UNC93A: variants seen among roughly 807,000 people sequenced by gnomAD.
UNC93A encodes N-acetylglucosamine transporter UNC93A.
UNC93A carries 43 observed loss-of-function variants against 47.5 expected under a neutral mutation model. The observed-to-expected ratio is 0.91, with a 90% confidence interval of 0.71 to 1.17. UNC93A has a LOEUF of 1.17. Ranked by LOEUF, UNC93A falls within the 50% of genes most tolerant of loss-of-function variation. The pLI is 0.00. For missense variants in UNC93A, 605 were observed against 577.6 expected (o/e 1.05, Z -0.49); for synonymous variants, 280 against 258.0 (o/e 1.09, Z -0.82).
intron 6 of UNC93A, 66 bp from the exon 7 acceptor site, chr6:167,307,713 C>T: frequency 6.5e-7 from 1 of 1,537,528 alleles, no homozygotes; most frequent in Non-Finnish European, 8.7e-7. Flanking sequence ...ACTGACCCAC[C>T]TCCAGGCCCC....
intron 1 of UNC93A, among the ~76,000 whole-genome samples, chr6:167,293,512 C>T (rs1462962800): frequency 6.6e-6 from 1 of 152,146 alleles, no homozygotes; most frequent in Non-Finnish European, 1.5e-5. Context: ...ACAGAGTGTT[C>T]AGATAGAAGT....
At chr6:167,276,062 T>C (rs998587889) in intron 1 of UNC93A, among the ~76,000 whole-genome samples, 4 of 131,896 alleles carry the variant, frequency 3.0e-5, no homozygotes, top group Non-Finnish European at 4.6e-5. Flanking sequence ...TTCTTTTCTT[T>C]TCTTTTTTTT....
At chr6:167,282,654 G>GA (rs1320641154) in intron 1 of UNC93A, among the ~76,000 whole-genome samples, 1 of 152,130 alleles carries the variant, frequency 6.6e-6, no homozygotes, top group Admixed American at 6.5e-5. Context: ...ATATGTTGAT[G>GA]AAAAAACCTA....
intron 4 of UNC93A, among the ~76,000 whole-genome samples, chr6:167,300,589 G>A (rs1188756349): frequency 6.6e-6 from 1 of 152,158 alleles, no homozygotes; most frequent in African/African-American, 2.4e-5. Flanking sequence ...AGTGGAAGGT[G>A]TGGACAGGGA....
At position 167,296,199 on chromosome 6, in the gene UNC93A, A is replaced by G. The variant is rs764194950; in HGVS notation, c.437A>G (p.Gln146Arg). The change falls in exon 3 of 8, where the codon CAG (glutamine) becomes CGG (arginine). Residue 146 changes from glutamine (Q) to arginine (R), a missense_variant. Coordinates refer to ENST00000230256, the MANE Select transcript of UNC93A (RefSeq NM_018974.4). ...TTTGGCATCTTCTTCCTCATATTCCAGTCATCCGGTGTGTGGGGCAACTTG... is the reference window on the plus strand; with the variant it reads ...TTTGGCATCTTCTTCCTCATATTCCGGTCATCCGGTGTGTGGGGCAACTTG... ...QYFGIFFLIF[Q>R]SSGVWGNLIS... 30 of 1,614,226 alleles carry G rather than the reference A, an allele frequency of 1.9e-5. No homozygotes were observed. The South Asian group carries it at 3.3e-4, about 18-fold the overall frequency.
chr6:167,307,722 C>T, intron 6 of UNC93A, 57 bp from the exon 7 acceptor site: 1 of 1,555,924 alleles, frequency 6.4e-7, no homozygotes, highest in Non-Finnish European at 8.7e-7. Flanking sequence ...CCTCCAGGCC[C>T]CTCCAGGCCA....
At chr6:167,277,733 CTCTT>C (rs748306998) in intron 1 of UNC93A, among the ~76,000 whole-genome samples, 13 of 151,744 alleles carry the variant, frequency 8.6e-5, no homozygotes, top group African/African-American at 2.2e-4. Context: ...GTCTCTATAA[CTCTT>C]TCTGTCTCTC....
At position 167,303,963 on chromosome 6, in the gene UNC93A, C is replaced by A; in HGVS notation, c.670C>A (p.Pro224Thr). The A allele has an allele frequency of 1.2e-6, 2 of 1,613,614 alleles. No individual in the cohort carries two copies. The highest frequency in any genetic ancestry group is 1.1e-5 in the South Asian group (1 of 91,032). ...CCTGATGATAGCTGCGTTCCTCCAA[C>A]CCATACGAGATGTTCAGCGGGAAAG... ...AVLMIAAFLQ[P>T]IRDVQRESEG... Residue 224 changes from proline (P) to threonine (T), a missense_variant, in exon 5 of 8, where the codon CCC (proline) becomes ACC (threonine). Physicochemically the swap from Pro to Thr is conservative, Grantham distance 38 (BLOSUM62 -1). Transcript: ENST00000230256.
chr6:167,293,584 C>T (rs1777953379), intron 1 of UNC93A, among the ~76,000 whole-genome samples: 1 of 152,158 alleles, frequency 6.6e-6, no homozygotes, highest in African/African-American at 2.4e-5. Flanking sequence ...TCCAAGAACC[C>T]CAAGGCTACT....
chr6:167,278,891 T>C (rs960426120), intron 1 of UNC93A, among the ~76,000 whole-genome samples: 2 of 152,214 alleles, frequency 1.3e-5, no homozygotes, highest in Admixed American at 6.5e-5. Flanking sequence ...ACAGTTGTAA[T>C]GTCCAGGAAA....
At chr6:167,309,131 C>A (rs1778486041) in intron 7 of UNC93A, among the ~76,000 whole-genome samples, 1 of 152,130 alleles carries the variant, frequency 6.6e-6, no homozygotes, top group Non-Finnish European at 1.5e-5. Context: ...GAGGCTGAGG[C>A]AGGAGAATCA....
chr6:167,309,308 G>GC (rs1403230950), intron 7 of UNC93A, among the ~76,000 whole-genome samples: 1 of 152,204 alleles, frequency 6.6e-6, no homozygotes. Flanking sequence ...GGAAGCTGGG[G>GC]CAGTGTGTGT....
rs1562350634 is a variant in UNC93A at position 167,295,726 on chromosome 6, T to TGCC, written c.270-306_270-305insGCC. 7.0e-3 allele frequency among the ~76,000 whole-genome samples: 977 copies of TGCC among 140,278 alleles called. 147 individuals are homozygous for TGCC. The highest frequency in any genetic ancestry group is 0.01 in the East Asian group (45 of 4,352). The allele number at this position is 140,278 out of a possible 152,430, so 92.0% of individuals were successfully genotyped here. ...CCTCGCCTCCCTCGTGCTCCTCGCCTTCCTCGTGCTCCTCGCCTCCCTCGT... is the reference window on the plus strand; with the variant it reads ...CCTCGCCTCCCTCGTGCTCCTCGCCTGCCTCCTCGTGCTCCTCGCCTCCCTCGT... On this transcript the variant is annotated intron_variant, in intron 2 of 7. Coordinates refer to ENST00000230256, the MANE Select transcript of UNC93A (RefSeq NM_018974.4).
intron 1 of UNC93A, among the ~76,000 whole-genome samples, chr6:167,273,413 G>A (rs915049987): frequency 9.9e-5 from 15 of 152,222 alleles, no homozygotes; most frequent in African/African-American, 3.6e-4. Flanking sequence ...GGGAGCTGCT[G>A]TGACTCTGAC....
At chr6:167,286,846 C>T (rs145910503), upstream of UNC93A, among the ~76,000 whole-genome samples, 4,787 of 151,688 alleles carry the variant, frequency 0.032, 212 homozygotes, top group African/African-American at 0.11. Flanking sequence ...GGTGTGGTGG[C>T]GGGTGCCTGT....
intron 4 of UNC93A, 76 bp downstream of exon 4, chr6:167,298,146 GTC>G (rs1778143772): frequency 6.5e-7 from 1 of 1,540,336 alleles, no homozygotes; most frequent in African/African-American, 1.4e-5. Flanking sequence ...GACAAAGACT[GTC>G]TCTCCCAATG....
chr6:167,306,655 C>T (rs1253458691), intron 6 of UNC93A, among the ~76,000 whole-genome samples: 3 of 152,206 alleles, frequency 2.0e-5, no homozygotes, highest in Admixed American at 6.5e-5. Context: ...GAAGGGCACA[C>T]GGTGAGCATC....
upstream of UNC93A, among the ~76,000 whole-genome samples, chr6:167,288,079 AG>A (rs1183088440): frequency 2.0e-5 from 3 of 152,198 alleles, no homozygotes; most frequent in Non-Finnish European, 4.4e-5. Context: ...CATCACCAGC[AG>A]CTTTAACCAC....
At chr6:167,283,982 A>G (rs188202408) in intron 1 of UNC93A, among the ~76,000 whole-genome samples, 171 of 152,282 alleles carry the variant, frequency 1.1e-3, no homozygotes, top group Admixed American at 2.0e-3. Flanking sequence ...GAAGGTTCAC[A>G]CTCAGGGTCA....
Sources: allele counts gnomAD v4.1 joint callset (sites outside exome capture counted in the v4.1 genomes callset), GRCh38; gene constraint gnomAD v4.1.1; transcripts MANE v1.5; gene names NCBI Gene and HGNC (gene_info 2026-07-23, HGNC 2026-07-21).